GALNT13: variants seen among roughly 807,000 people sequenced by gnomAD.
The protein encoded by GALNT13 is UDP-GalNAc:polypeptide N-acetylgalactosaminyltransferase 13.
Under a neutral mutation model 64.2 loss-of-function variants are expected in GALNT13, and 28 were observed. The observed-to-expected ratio is 0.44, with a 90% CI of 0.32 to 0.60. The LOEUF is 0.60. Among genes scored for constraint, GALNT13 ranks in the 20% least tolerant of loss-of-function variants. The pLI is 0.05. For synonymous variants in GALNT13, 214 were observed against 224.6 expected (o/e 0.95, Z 0.42); for missense variants, 577 against 669.8 (o/e 0.86, Z 1.53).
chr2:153,233,517 CTATT>C, the GALNT13 span, among the ~76,000 whole-genome samples: 1 of 151,622 alleles, frequency 6.6e-6, no homozygotes, highest in South Asian at 2.1e-4. Context: ...GTTCAATGGT[CTATT>C]TATCTGTGAT....
the GALNT13 span, among the ~76,000 whole-genome samples, chr2:153,842,790 T>C: frequency 6.6e-6 from 1 of 151,988 alleles, no homozygotes; most frequent in Admixed American, 6.6e-5. Flanking sequence ...ACCCAGATGC[T>C]GTAATAACCA....
At chr2:153,336,849 C>G in the GALNT13 span, among the ~76,000 whole-genome samples, 2 of 152,112 alleles carry the variant, frequency 1.3e-5, no homozygotes, top group Admixed American at 6.5e-5. Flanking sequence ...CCCAGAATTC[C>G]CATGTATTGT....
the GALNT13 span, among the ~76,000 whole-genome samples, chr2:153,513,140 A>T: frequency 1.2e-4 from 18 of 152,172 alleles, no homozygotes; most frequent in African/African-American, 4.1e-4. Flanking sequence ...GGATAAATTA[A>T]CTTCCAGGTT....
At chr2:153,101,910 A>G in the GALNT13 span, among the ~76,000 whole-genome samples, 1 of 152,242 alleles carries the variant, frequency 6.6e-6, no homozygotes, top group Non-Finnish European at 1.5e-5. Flanking sequence ...AGGAATTTGA[A>G]TACTTTTCCA....
rs140218782 is a variant in GALNT13, at chr2:154,149,940, C to T, written c.311+9435C>T. Among the ~76,000 whole-genome samples, 744 of 152,218 alleles carry T rather than the reference C, an allele frequency of 4.9e-3. 4 individuals are homozygous for T. Among genetic ancestry groups the T allele is most frequent in the African/African-American group, 0.017 (709 of 41,522 alleles). ...TTATTTCCTTCTCCTGCCTGATTTC[C>T]CTGGCCAGAACGTCCAACACTATGT... On this transcript the variant is annotated intron_variant, in intron 4 of 12. Transcript: ENST00000392825.
At chr2:154,405,779 GAAAAGGAA>G (rs771325523) in intron 10 of GALNT13, among the ~76,000 whole-genome samples, 14 of 151,990 alleles carry the variant, frequency 9.2e-5, no homozygotes, top group Non-Finnish European at 2.1e-4. Context: ...ACGATATTGT[GAAAAGGAA>G]CACTACATCC....
the GALNT13 span, among the ~76,000 whole-genome samples, chr2:153,506,225 C>T: frequency 0.013 from 2,019 of 152,124 alleles, 19 homozygotes; most frequent in Middle Eastern, 0.027. Context: ...CTTAGGTTTA[C>T]GTGAGTCTTT....
At chr2:154,313,653 C>T (rs1694175335) in intron 9 of GALNT13, among the ~76,000 whole-genome samples, 1 of 151,776 alleles carries the variant, frequency 6.6e-6, no homozygotes, top group Admixed American at 6.6e-5. Context: ...TGGAGTTTCA[C>T]CATGTTGGCC....
chr2:154,087,702 C>A (rs1046754682), intron 3 of GALNT13, among the ~76,000 whole-genome samples: 3 of 152,044 alleles, frequency 2.0e-5, no homozygotes, highest in African/African-American at 7.2e-5. Context: ...TACATTCAAG[C>A]AATGATGTCA....
chr2:153,412,526 A>G, the GALNT13 span, among the ~76,000 whole-genome samples: 3 of 152,320 alleles, frequency 2.0e-5, no homozygotes, highest in Admixed American at 6.5e-5. Flanking sequence ...GTAAGAGTGC[A>G]CTGGCATGTC....
At chr2:154,162,960 T>A (rs111575460) in intron 4 of GALNT13, among the ~76,000 whole-genome samples, 2,426 of 150,864 alleles carry the variant, frequency 0.016, 69 homozygotes, top group African/African-American at 0.055. Context: ...TCTTTTTTTT[T>A]ATTTTATTTT....
At chr2:153,607,719 T>C in the GALNT13 span, among the ~76,000 whole-genome samples, 1 of 152,230 alleles carries the variant, frequency 6.6e-6, no homozygotes, top group Admixed American at 6.5e-5. Context: ...GTTTTTCTGT[T>C]TTTTTTAAAC....
the GALNT13 span, among the ~76,000 whole-genome samples, chr2:153,164,887 C>T: frequency 6.6e-6 from 1 of 152,150 alleles, no homozygotes; most frequent in Non-Finnish European, 1.5e-5. Context: ...AAGGAGACTG[C>T]CCCAATTTCT....
At chr2:153,197,757 G>T in the GALNT13 span, among the ~76,000 whole-genome samples, 1 of 152,154 alleles carries the variant, frequency 6.6e-6, no homozygotes, top group Non-Finnish European at 1.5e-5. Context: ...TCTATCTGTG[G>T]TAGCCACCCC....
intron 8 of GALNT13, among the ~76,000 whole-genome samples, chr2:154,275,497 C>A (rs1691591483): frequency 6.6e-6 from 1 of 152,222 alleles, no homozygotes. Flanking sequence ...GCCTTGGCAA[C>A]TTCCACATGC....
At chr2:153,698,002 A>G in the GALNT13 span, among the ~76,000 whole-genome samples, 9 of 152,370 alleles carry the variant, frequency 5.9e-5, no homozygotes, top group South Asian at 2.1e-4. Flanking sequence ...ACTAAACTTC[A>G]TAAGTGAAGG....
Position 154,131,298 on chromosome 2 carries a change from G to C in GALNT13, c.143-9039G>C, listed in dbSNP as rs78586226. On this transcript the variant is annotated intron_variant, in intron 3 of 12. Coordinates refer to ENST00000392825, the MANE Select transcript of GALNT13 (RefSeq NM_052917.4). ...TATTAGTAGAATATATTATAAGGAT[G>C]ATTGTGAAAGGATTGGCAAACATTT... Among the ~76,000 whole-genome samples the C allele has an allele frequency of 8.7e-3, 1,320 of 152,284 alleles. 20 individuals are homozygous for C. The highest frequency in any genetic ancestry group is 0.03 in the African/African-American group (1,256 of 41,556).
At chr2:154,417,505 A>ATTTTTTTTTTTT (rs979460063) in intron 11 of GALNT13, among the ~76,000 whole-genome samples, 1 of 136,354 alleles carries the variant, frequency 7.3e-6, no homozygotes, top group Admixed American at 7.5e-5. Flanking sequence ...TTATTTATTT[A>ATTTTTTTTTTTT]TTTATTTATT....
intron 9 of GALNT13, among the ~76,000 whole-genome samples, chr2:154,344,431 A>G (rs1029506687): frequency 1.1e-5 from 1 of 94,304 alleles, no homozygotes; most frequent in African/African-American, 2.9e-5. Context: ...GCTTTCACAA[A>G]GGAATAAAAT....
Sources: allele counts gnomAD v4.1 joint callset (sites outside exome capture counted in the v4.1 genomes callset), GRCh38; gene constraint gnomAD v4.1.1; transcripts MANE v1.5; gene names NCBI Gene and HGNC (gene_info 2026-07-23, HGNC 2026-07-21).